The following PTPRG variants were observed in gnomAD, a reference collection of about 807,000 sequenced individuals.
PTPRG encodes protein tyrosine phosphatase receptor type G.
Under a neutral mutation model 165.3 loss-of-function variants are expected in PTPRG, and 102 were observed. That is an observed-to-expected ratio of 0.62 (90% CI 0.53 to 0.73). The LOEUF is 0.73. PTPRG is among the 30% of genes least tolerant of loss of function. PTPRG has a pLI of 0.00. For synonymous variants in PTPRG, 675 were observed against 669.5 expected (o/e 1.01, Z -0.13); for missense variants, 1,866 against 1,861.4 (o/e 1.00, Z -0.05).
intron 26 of PTPRG, among the ~76,000 whole-genome samples, chr3:62,278,142 A>G (rs1346176099): frequency 6.6e-6 from 1 of 152,140 alleles, no homozygotes; most frequent in Non-Finnish European, 1.5e-5. Context: ...AACTGAGAAC[A>G]AACTTGCTCA....
chr3:61,888,219 G>A (rs564555585), intron 2 of PTPRG, among the ~76,000 whole-genome samples: 1 of 151,792 alleles, frequency 6.6e-6, no homozygotes, highest in Non-Finnish European at 1.5e-5. Context: ...GTGTGTGTGT[G>A]TGTCTGTCTG....
intron 2 of PTPRG, among the ~76,000 whole-genome samples, chr3:61,960,782 G>C (rs1169836587): frequency 6.6e-6 from 1 of 152,130 alleles, no homozygotes; most frequent in African/African-American, 2.4e-5. Context: ...GTCTTGGGGA[G>C]TATCCTGCAT....
intron 2 of PTPRG, among the ~76,000 whole-genome samples, chr3:61,895,767 T>A (rs1231029871): frequency 6.6e-6 from 1 of 152,262 alleles, no homozygotes; most frequent in African/African-American, 2.4e-5. Flanking sequence ...TTGCTGCAGA[T>A]GAGAGTTGGT....
chr3:61,738,556 T>A (rs1325702110), intron 1 of PTPRG, among the ~76,000 whole-genome samples: 2 of 151,318 alleles, frequency 1.3e-5, no homozygotes, highest in East Asian at 3.9e-4. Context: ...ATCTGCTTTT[T>A]TTTTTTTGAG....
At chr3:61,617,960 T>C (rs1484026914) in intron 1 of PTPRG, among the ~76,000 whole-genome samples, 1 of 152,222 alleles carries the variant, frequency 6.6e-6, no homozygotes, top group African/African-American at 2.4e-5. Context: ...TTTTAAGGAA[T>C]TGAAATCTAA....
intron 2 of PTPRG, among the ~76,000 whole-genome samples, chr3:61,966,146 A>G (rs921963669): frequency 1.3e-5 from 2 of 152,226 alleles, no homozygotes; most frequent in African/African-American, 4.8e-5. Flanking sequence ...ATTGACTGAC[A>G]TTTACATGTG....
At chr3:61,636,643 T>G (rs927267729) in intron 1 of PTPRG, among the ~76,000 whole-genome samples, 7 of 152,238 alleles carry the variant, frequency 4.6e-5, no homozygotes, top group African/African-American at 1.7e-4. Flanking sequence ...ATACTTCATT[T>G]ATTTTATGGA....
At chr3:61,991,892 C>T (rs931751009) in intron 3 of PTPRG, among the ~76,000 whole-genome samples, 9 of 152,188 alleles carry the variant, frequency 5.9e-5, no homozygotes, top group African/African-American at 1.9e-4. Flanking sequence ...AGGGTTCACT[C>T]GATGCAAGCT....
intron 2 of PTPRG, among the ~76,000 whole-genome samples, chr3:61,806,103 C>T (rs191441595): frequency 1.7e-4 from 26 of 152,226 alleles, no homozygotes; most frequent in African/African-American, 3.4e-4. Context: ...TGATAAGCAT[C>T]GAATATACTA....
chr3:61,675,123 A>G (rs1703177486), intron 1 of PTPRG, among the ~76,000 whole-genome samples: 1 of 152,252 alleles, frequency 6.6e-6, no homozygotes, highest in South Asian at 2.1e-4. Context: ...TTGAATAACA[A>G]TTTCTTTTCT....
At chr3:61,953,993 T>C (rs926743647) in intron 2 of PTPRG, among the ~76,000 whole-genome samples, 13 of 152,178 alleles carry the variant, frequency 8.5e-5, no homozygotes, top group African/African-American at 3.1e-4. Context: ...CAGCTGCAAA[T>C]ATGTAGTACT....
intron 2 of PTPRG, among the ~76,000 whole-genome samples, chr3:61,806,356 G>C (rs769135339): frequency 4.6e-5 from 7 of 152,146 alleles, no homozygotes; most frequent in Non-Finnish European, 1.0e-4. Context: ...GTGCATGTAG[G>C]TAAAGCCTCC....
intron 5 of PTPRG, among the ~76,000 whole-genome samples, chr3:62,083,046 A>T (rs1022806338): frequency 6.6e-6 from 1 of 152,200 alleles, no homozygotes. Flanking sequence ...AATATTGTCA[A>T]GGGATAGAGG....
intron 2 of PTPRG, among the ~76,000 whole-genome samples, chr3:61,872,815 C>T (rs373591895): frequency 8.5e-5 from 13 of 152,200 alleles, no homozygotes; most frequent in African/African-American, 3.1e-4. Context: ...TTTTACATGT[C>T]CAGTCCATAT....
At position 61,938,720 on chromosome 3, in the gene PTPRG, C is replaced by G. The variant is rs562863245; in HGVS notation, c.191-50905C>G. Among the ~76,000 whole-genome samples the G allele has an allele frequency of 7.2e-5, 11 of 152,216 alleles. No homozygotes were observed. In the South Asian group the frequency reaches 2.3e-3, roughly 32 times the overall value. On this transcript the variant is annotated intron_variant, in intron 2 of 29. Transcript: ENST00000474889. ...TATGCAGAGTCTAATGCTTACGCTACGTTATAAACTGAGTCTAAATGGAAA... is the reference window on the plus strand; with the variant it reads ...TATGCAGAGTCTAATGCTTACGCTAGGTTATAAACTGAGTCTAAATGGAAA...
chr3:61,610,120 A>T (rs991879522), intron 1 of PTPRG, among the ~76,000 whole-genome samples: 6 of 151,002 alleles, frequency 4.0e-5, no homozygotes, highest in Non-Finnish European at 7.4e-5. Flanking sequence ...ACCTAGTGGT[A>T]AATCACTTAA....
intron 4 of PTPRG, among the ~76,000 whole-genome samples, chr3:62,059,320 C>A (rs1375084989): frequency 6.6e-6 from 1 of 152,152 alleles, no homozygotes; most frequent in Non-Finnish European, 1.5e-5. Context: ...ATTCCATTCC[C>A]CTACTAGCAG....
Position 61,622,207 on chromosome 3 carries a change from A to G in PTPRG, c.85+59835A>G, listed in dbSNP as rs771547935. The stretch of plus-strand genomic sequence containing the variant: ...CTCCCTCTCCAACACCTCGCTCAAC[A>G]GGTAATCAAATAACTAATTTTTAGT... On this transcript the variant is annotated intron_variant, in intron 1 of 29. Coordinates refer to ENST00000474889, the MANE Select transcript of PTPRG (RefSeq NM_002841.4). Among the ~76,000 whole-genome samples, 8 of 152,200 alleles carry G rather than the reference A, an allele frequency of 5.3e-5. 1 individual carries two copies. The highest frequency in any genetic ancestry group is 2.9e-5 in the Non-Finnish European group (2 of 68,026).
chr3:61,824,432 A>G (rs951871717), intron 2 of PTPRG, among the ~76,000 whole-genome samples: 18 of 152,214 alleles, frequency 1.2e-4, no homozygotes, highest in Non-Finnish European at 2.4e-4. Flanking sequence ...TGGAAGAAAA[A>G]CAAACTTTAC....
Sources: gnomAD v4.1 joint callset for allele counts (sites outside exome capture counted in the v4.1 genomes callset) on GRCh38, gnomAD v4.1.1 for gene constraint, MANE v1.5 for transcripts, NCBI Gene and HGNC (gene_info 2026-07-23, HGNC 2026-07-21) for gene names.